The following SETX variants were observed in gnomAD, a reference collection of about 807,000 sequenced individuals.
SETX encodes the protein helicase senataxin.
Under a neutral mutation model 227.2 loss-of-function variants are expected in SETX, and 90 were observed. The observed-to-expected ratio is 0.40, with a 90% CI of 0.33 to 0.47. SETX has a LOEUF of 0.47. Ranked by LOEUF, SETX falls within the 20% of genes least tolerant of loss-of-function variation. The pLI is 0.91. For missense variants in SETX, 3,052 were observed against 3,181.5 expected (o/e 0.96, Z 0.98); for synonymous variants, 1,210 against 1,113.2 (o/e 1.09, Z -1.73).
At chr9:132,293,509 C>G (rs1382401558) in intron 15 of SETX, among the ~76,000 whole-genome samples, 1 of 152,162 alleles carries the variant, frequency 6.6e-6, no homozygotes, top group Non-Finnish European at 1.5e-5. Context: ...GCAACCTCCA[C>G]TTCCCGGGTT....
At chr9:132,267,819 C>T (rs1467608756) in intron 25 of SETX, among the ~76,000 whole-genome samples, 2 of 152,206 alleles carry the variant, frequency 1.3e-5, no homozygotes, top group Non-Finnish European at 2.9e-5. Context: ...CCTTGGGCTG[C>T]CCTGCCTCCT....
intron 11 of SETX, among the ~76,000 whole-genome samples, chr9:132,304,188 T>A (rs7031678): frequency 0.26 from 39,309 of 152,090 alleles, 6,551 homozygotes; most frequent in East Asian, 0.68. Flanking sequence ...AAAACACTAA[T>A]GCAGCACCCT....
Position 132,264,270 on chromosome 9 carries a change from T to C in SETX, c.8003A>G (p.Asp2668Gly), listed in dbSNP as rs1239738395. 1 of 1,614,200 alleles carries C rather than the reference T, an allele frequency of 6.2e-7. No homozygotes were observed. Among genetic ancestry groups the C allele is most frequent in the Non-Finnish European group, 8.5e-7 (1 of 1,180,026 alleles). The change falls in exon 26 of 26, where the codon GAC becomes GGC. Residue 2668 changes from aspartate to glycine, a missense_variant. By Grantham distance (94) the Asp-to-Gly change is moderately conservative (BLOSUM62 -1). This residue lies in a region of SETX where 294 missense variants were observed against 278.8 expected (regional missense o/e 1.05). Coordinates refer to ENST00000224140, the MANE Select transcript of SETX (RefSeq NM_015046.7). ...AAGCTTTCTTTTCTTGGAACTGCTG[T>C]CCTCCTGCTCCAGTGTCCTCTTGTC... ...RWDKRTLEQE[D>G]SSSKKRKLL
chr9:132,283,897 T>C (rs1843680556), intron 18 of SETX, among the ~76,000 whole-genome samples: 1 of 152,160 alleles, frequency 6.6e-6, no homozygotes, highest in Admixed American at 6.5e-5. Flanking sequence ...ACCTGACAAA[T>C]CCTCTATTTC....
At chr9:132,298,401 A>C in intron 12 of SETX, 89 bp from the exon 13 acceptor site, 1 of 1,115,786 alleles carries the variant, frequency 9.0e-7, no homozygotes, top group Non-Finnish European at 1.3e-6. Context: ...GGTATTTTTA[A>C]CATATTTTTG....
intron 21 of SETX, among the ~76,000 whole-genome samples, chr9:132,277,689 C>T (rs1205052492): frequency 6.7e-6 from 1 of 148,440 alleles, no homozygotes; most frequent in Non-Finnish European, 1.5e-5. Context: ...GAGGCTGAGG[C>T]AGGTGGATTG....
At chr9:132,339,056 C>T (rs1302482843) in intron 5 of SETX, among the ~76,000 whole-genome samples, 1 of 152,182 alleles carries the variant, frequency 6.6e-6, no homozygotes, top group Non-Finnish European at 1.5e-5. Context: ...AGCGACCATG[C>T]CCAGCCCTTT....
intron 4 of SETX, among the ~76,000 whole-genome samples, chr9:132,345,259 C>T (rs186402003): frequency 1.4e-3 from 212 of 152,318 alleles, no homozygotes; most frequent in Non-Finnish European, 2.1e-3. Flanking sequence ...AGACATACTA[C>T]AAGAATGAAA....
At chr9:132,314,274 T>C (rs7849637) in intron 10 of SETX, among the ~76,000 whole-genome samples, 16,159 of 152,146 alleles carry the variant, frequency 0.11, 968 homozygotes, top group East Asian at 0.24. Flanking sequence ...GTATTTTTAG[T>C]AGAGACAGAG....
At chr9:132,349,993 G>A (rs1011536763) in intron 2 of SETX, among the ~76,000 whole-genome samples, 1 of 152,126 alleles carries the variant, frequency 6.6e-6, no homozygotes, top group Non-Finnish European at 1.5e-5. Context: ...AAAATTCACA[G>A]GAGAGGCAGT....
At chr9:132,324,520 CCA>C (rs1261456550) in intron 10 of SETX, among the ~76,000 whole-genome samples, 1 of 152,178 alleles carries the variant, frequency 6.6e-6, no homozygotes, top group Non-Finnish European at 1.5e-5. Context: ...AACATACTTC[CCA>C]CAGTTAACTC....
chr9:132,271,714 T>C lies in SETX; in HGVS notation c.7195A>G (p.Ile2399Val), dbSNP rs150489999. ...GCAACAATGACAGTAACTCACCCAA[T>C]TGAACCTTGGATGCTATTTGCTCTG... is the stretch of plus-strand genomic sequence containing the variant. The part of the protein sequence containing the change: ...CVRANSIQGS[I>V]GFLASLQRLN... Residue 2399 changes from isoleucine to valine, a missense_variant, in exon 24 of 26, where the codon ATT becomes GTT. By Grantham distance (29) the Ile-to-Val change is conservative. Around this residue, in one of 10 missense-constraint regions of SETX, gnomAD observed 412 missense variants for 589.0 expected, o/e 0.70. Coordinates refer to ENST00000224140, the MANE Select transcript of SETX (RefSeq NM_015046.7). 128 of 1,609,360 alleles carry C rather than the reference T, an allele frequency of 8.0e-5. No homozygotes were observed. Among genetic ancestry groups the C allele is most frequent in the Admixed American group, 6.2e-4 (37 of 59,886 alleles).
chr9:132,294,025 AAAAT>A (rs553767403), intron 15 of SETX, among the ~76,000 whole-genome samples: 7 of 152,070 alleles, frequency 4.6e-5, no homozygotes, highest in Admixed American at 1.3e-4. Flanking sequence ...CTCCGTCTCA[AAAAT>A]AAATAAATAA....
Position 132,286,426 on chromosome 9 carries a change from T to C in SETX, c.6393A>G (p.Lys2131=). Residue 2131 remains lysine, a synonymous_variant, in exon 18 of 26, where the codon AAA becomes AAG. Coordinates refer to ENST00000224140, the MANE Select transcript of SETX (RefSeq NM_015046.7). ...ATGCTACAGGTGAACTACTTACCTCTTTAATTTTAGAAGCAAGTTCCTGCC... is the reference window on the plus strand; with the variant it reads ...ATGCTACAGGTGAACTACTTACCTCCTTAATTTTAGAAGCAAGTTCCTGCC... The part of the protein sequence containing the change: ...KERQELASKI[K]EVQGRPQKTQ... 1 of 1,611,514 alleles carries C rather than the reference T, an allele frequency of 6.2e-7. No homozygotes were observed. The highest frequency in any genetic ancestry group is 2.2e-5 in the East Asian group (1 of 44,854).
chr9:132,334,358 G>C (rs1224264759), intron 7 of SETX, among the ~76,000 whole-genome samples: 1 of 152,164 alleles, frequency 6.6e-6, no homozygotes, highest in African/African-American at 2.4e-5. Context: ...TGAGACAGGG[G>C]AATTTCTTGA....
At chr9:132,271,536 G>C (rs1842903470) in intron 24 of SETX, among the ~76,000 whole-genome samples, 174 bp downstream of exon 24, 1 of 152,224 alleles carries the variant, frequency 6.6e-6, no homozygotes, top group Non-Finnish European at 1.5e-5. Flanking sequence ...AGATCTAACA[G>C]TGGGTCTATT....
chr9:132,347,272 C>T (rs371992682), intron 3 of SETX, among the ~76,000 whole-genome samples: 8 of 150,754 alleles, frequency 5.3e-5, no homozygotes, highest in African/African-American at 1.5e-4. Flanking sequence ...ACCAAACAAA[C>T]GAAAAAAAAC....
In SETX at chr9:132,283,303, C is replaced by G. The variant is rs34073320; in HGVS notation, c.6507G>C (p.Gly2169=). 2 of 1,614,048 alleles carry G rather than the reference C, an allele frequency of 1.2e-6. No individual in the cohort carries two copies. Among genetic ancestry groups the G allele is most frequent in the African/African-American group, 2.7e-5 (2 of 74,918 alleles). The change falls in exon 19 of 26, where the codon GGG becomes GGC. Residue 2169 remains glycine (G), a synonymous_variant. Coordinates refer to ENST00000224140, the MANE Select transcript of SETX (RefSeq NM_015046.7). ...CACAGCTGAAGGGGACACCCCCTTG[C>G]CCACGGAAAGCAGACTCAAGTAGTA... ...GGLLLESAFR[G]QGGVPFSCVI... is the part of the protein sequence containing the mutation.
chr9:132,296,623 C>T (rs572899191), intron 14 of SETX, among the ~76,000 whole-genome samples: 2 of 151,950 alleles, frequency 1.3e-5, no homozygotes, highest in African/African-American at 4.8e-5. Context: ...CAGCATTCTA[C>T]GTGACCTACC....
Sources: allele counts gnomAD v4.1 joint callset (sites outside exome capture counted in the v4.1 genomes callset), GRCh38; gene constraint gnomAD v4.1.1; regional missense constraint gnomAD v4.1.1; transcripts MANE v1.5; gene names NCBI Gene and HGNC (gene_info 2026-07-23, HGNC 2026-07-21).